Variants in IBTK observed in about 807,000 individuals in gnomAD.
IBTK encodes inhibitor of Bruton tyrosine kinase.
In IBTK, 83 loss-of-function variants were observed where a neutral mutation model predicts 154.9. That is an observed-to-expected ratio of 0.54 (90% CI 0.45 to 0.64). The LOEUF (loss-of-function observed/expected upper bound fraction) is 0.64. Ranked by LOEUF, IBTK falls within the 30% of genes least tolerant of loss-of-function variation. The pLI is 0.00. For synonymous variants in IBTK, 515 were observed against 536.1 expected (o/e 0.96, Z 0.54); for missense variants, 1,332 against 1,584.6 (o/e 0.84, Z 2.71).
chr6:82,222,748 G>C (rs1770142762), intron 8 of IBTK, among the ~76,000 whole-genome samples: 1 of 151,976 alleles, frequency 6.6e-6, no homozygotes, highest in African/African-American at 2.4e-5. Flanking sequence ...GGGAATTCCA[G>C]TTGGTGCACC....
chr6:82,246,997 T>A (rs1014242346), intron 1 of IBTK, among the ~76,000 whole-genome samples: 2 of 152,166 alleles, frequency 1.3e-5, no homozygotes, highest in Non-Finnish European at 2.9e-5. Flanking sequence ...GAACTAAAAC[T>A]CTTTGAGCCA....
chr6:82,216,226 G>A lies in IBTK; in HGVS notation c.1451C>T (p.Ser484Phe). The A allele has an allele frequency of 6.3e-7, 1 of 1,586,260 alleles. No homozygotes were observed. Among genetic ancestry groups the A allele is most frequent in the African/African-American group, 1.4e-5 (1 of 73,346 alleles). ...AGAGACATAAGACACATCTGATGAG[G>A]AATTGTGAAGGTTTGATAAAATCTC... Reference protein sequence around the residue: ...KKEILSNLHNSSSDVSYVSDI... With the variant: ...KKEILSNLHNFSSDVSYVSDI... Residue 484 changes from serine to phenylalanine, a missense_variant, in exon 11 of 29, where the codon TCC becomes TTC. This residue lies in a region of IBTK where 1,134 missense variants were observed against 1,274.7 expected (regional missense o/e 0.89). Transcript: ENST00000306270.
chr6:82,204,015 A>T (rs1397797068), intron 17 of IBTK, among the ~76,000 whole-genome samples: 1 of 152,182 alleles, frequency 6.6e-6, no homozygotes, highest in African/African-American at 2.4e-5. Context: ...CAGAACAGAT[A>T]TAAGATTAGA....
rs573568570 is a variant in IBTK at position 82,202,377 on chromosome 6, A to G, written c.2729+151T>C. 6.9e-6 allele frequency: 4 copies of G among 580,932 alleles called. No homozygotes were observed. In the South Asian group the frequency reaches 9.8e-5, roughly 14 times the overall value. 36.0% of individuals were successfully genotyped at this position (580,932 alleles called of 1,614,324 possible). A position where few individuals can be genotyped will look rare whatever the true frequency, so the allele number is the denominator to read the frequency against. ...AGTTTTCAAGAGCTCTCTAATTCTA[A>G]AATGTACATAACTTCTAAATCATCA... On this transcript the variant is annotated intron_variant, in intron 18 of 28. Coordinates refer to ENST00000306270, the MANE Select transcript of IBTK (RefSeq NM_015525.4).
At chr6:82,207,240 T>G (rs571612016) in intron 16 of IBTK, among the ~76,000 whole-genome samples, 3 of 152,102 alleles carry the variant, frequency 2.0e-5, no homozygotes, top group African/African-American at 7.2e-5. Flanking sequence ...TTCAGCAAGG[T>G]TGCAGGATAT....
In IBTK at chr6:82,214,338, T is replaced by C. The variant is rs1164947599; in HGVS notation, c.2093A>G (p.Gln698Arg). Reference protein sequence around the residue: ...SNQAQTVSERQKSKPKSCKKG... With the variant: ...SNQAQTVSERRKSKPKSCKKG... Reference sequence around the variant, plus strand: ...TTTACAAGATTTAGGTTTGCTCTTCTGCCTCTCACTAACTGTTTGAGCTTG... The same window carrying C: ...TTTACAAGATTTAGGTTTGCTCTTCCGCCTCTCACTAACTGTTTGAGCTTG... The change falls in exon 12 of 29, where the codon CAG (glutamine) becomes CGG (arginine). Residue 698 changes from glutamine to arginine, a missense_variant. Gln to Arg is a conservative substitution (Grantham distance 43). This residue lies in a region of IBTK where 1,134 missense variants were observed against 1,274.7 expected (regional missense o/e 0.89). Coordinates refer to ENST00000306270, the MANE Select transcript of IBTK (RefSeq NM_015525.4). The C allele has an allele frequency of 6.2e-7, 1 of 1,614,032 alleles. No homozygotes were observed. The highest frequency in any genetic ancestry group is 1.3e-5 in the African/African-American group (1 of 74,934).
chr6:82,233,711 GTTT>G (rs375746607), intron 3 of IBTK, among the ~76,000 whole-genome samples: 1 of 122,840 alleles, frequency 8.1e-6, no homozygotes, highest in Non-Finnish European at 1.7e-5. Context: ...CATTTGTAAA[GTTT>G]TTTTTTTTTT....
At chr6:82,187,950 C>T (rs1037214691) in intron 25 of IBTK, among the ~76,000 whole-genome samples, 1 of 151,798 alleles carries the variant, frequency 6.6e-6, no homozygotes, top group African/African-American at 2.4e-5. Context: ...TCAGTCCCAG[C>T]TCTAACCTCC....
At position 82,173,429 on chromosome 6, in the gene IBTK, G is replaced by A. The variant is rs141009177; in HGVS notation, c.3735C>T (p.Thr1245=). The A allele has an allele frequency of 6.2e-6, 10 of 1,613,096 alleles. No individual in the cohort carries two copies. The highest frequency in any genetic ancestry group is 5.3e-5 in the African/African-American group (4 of 74,976). The change falls in exon 27 of 29, where the codon ACC becomes ACT. Residue 1245 remains threonine, a synonymous_variant. Coordinates refer to ENST00000306270, the MANE Select transcript of IBTK (RefSeq NM_015525.4). ...SQAPKIVRCS[T]HGTPGPEGNH... ...TGCCTTCTGGTCCTGGGGTACCATG[G>A]GTAGAGCATCTGCAAAACAAATGCC...
chr6:82,200,752 A>ATT (rs1562084550), intron 19 of IBTK, 44 bp from the exon 20 acceptor site: 109 of 500,912 alleles, frequency 2.2e-4, no homozygotes, highest in Non-Finnish European at 2.8e-4. Flanking sequence ...AAATCTGTGA[A>ATT]GTTTTTTTTT....
At chr6:82,233,909 T>C (rs759319584) in intron 3 of IBTK, among the ~76,000 whole-genome samples, 1 of 152,050 alleles carries the variant, frequency 6.6e-6, no homozygotes, top group Non-Finnish European at 1.5e-5. Flanking sequence ...AACTTTTGTA[T>C]TTTTAGTAGA....
chr6:82,177,339 A>G (rs1047634911), intron 26 of IBTK, among the ~76,000 whole-genome samples: 1 of 152,072 alleles, frequency 6.6e-6, no homozygotes, highest in Non-Finnish European at 1.5e-5. Context: ...CCTCCCTAGT[A>G]GCTAAATTAC....
rs1243862467 is a variant in IBTK at position 82,194,500 on chromosome 6, C to A, written c.3317G>T (p.Ser1106Ile). 1 of 1,581,020 alleles carries A rather than the reference C, an allele frequency of 6.3e-7. No homozygotes were observed. The change falls in exon 23 of 29, where the codon AGT becomes ATT. Residue 1106 changes from serine to isoleucine, a missense_variant. This residue lies in a region of IBTK where 1,134 missense variants were observed against 1,274.7 expected (regional missense o/e 0.89). Coordinates refer to ENST00000306270, the MANE Select transcript of IBTK (RefSeq NM_015525.4). ...CTACCTGAAAGAACCAGCAACCCAA[C>A]TGGCAGAGCTGGTAGTATCAATTCT... is the stretch of plus-strand genomic sequence containing the variant. The part of the protein sequence containing the change: ...SNRIDTTSSA[S>I]WVAGSFSPVS...
At chr6:82,219,619 A>G (rs1272825957) in intron 9 of IBTK, among the ~76,000 whole-genome samples, 1 of 134,282 alleles carries the variant, frequency 7.4e-6, no homozygotes, top group African/African-American at 2.7e-5. Context: ...TATATAATAT[A>G]TAAATACATT....
At chr6:82,188,685 GAA>G (rs1768643185) in intron 25 of IBTK, among the ~76,000 whole-genome samples, 1 of 152,092 alleles carries the variant, frequency 6.6e-6, no homozygotes, top group African/African-American at 2.4e-5. Flanking sequence ...TTAATGATTG[GAA>G]AAAGTCAGGC....
At chr6:82,180,213 T>C (rs767304491) in intron 26 of IBTK, among the ~76,000 whole-genome samples, 1 of 152,310 alleles carries the variant, frequency 6.6e-6, no homozygotes, top group Non-Finnish European at 1.5e-5. Context: ...ATCTGCTTCA[T>C]ATGTTAGTAT....
intron 26 of IBTK, among the ~76,000 whole-genome samples, chr6:82,174,088 G>A (rs1768026048): frequency 6.6e-6 from 1 of 152,148 alleles, no homozygotes; most frequent in South Asian, 2.1e-4. Context: ...TTTACAGCTA[G>A]AAAGGTCCCT....
intron 16 of IBTK, among the ~76,000 whole-genome samples, chr6:82,206,173 T>TC: frequency 6.6e-6 from 1 of 152,224 alleles, no homozygotes; most frequent in South Asian, 2.1e-4. Context: ...GATCTTCCTC[T>TC]CCCCTCCTCC....
At chr6:82,177,188 T>A (rs1334552738) in intron 26 of IBTK, among the ~76,000 whole-genome samples, 1 of 144,828 alleles carries the variant, frequency 6.9e-6, no homozygotes, top group Non-Finnish European at 1.6e-5. Context: ...TATCGTAATT[T>A]CTTTTTGTTT....
Sources: allele counts gnomAD v4.1 joint callset (sites outside exome capture counted in the v4.1 genomes callset), GRCh38; gene constraint gnomAD v4.1.1; regional missense constraint gnomAD v4.1.1; transcripts MANE v1.5; gene names NCBI Gene and HGNC (gene_info 2026-07-23, HGNC 2026-07-21).